The following ERC2 variants were observed in gnomAD, a reference collection of about 807,000 sequenced individuals.
ERC2 encodes the protein ELKS/RAB6-interacting/CAST family member 2.
Under a neutral mutation model 114.8 loss-of-function variants are expected in ERC2, and 42 were observed. That is an observed-to-expected ratio of 0.37 (90% CI 0.29 to 0.47). The LOEUF (loss-of-function observed/expected upper bound fraction) is 0.47, where lower values mean the gene tolerates loss of function less well. ERC2 is among the 20% of genes least tolerant of loss of function. The probability of loss-of-function intolerance (pLI) is 0.99; values close to 1 mark genes in which losing one functional copy is unlikely to be tolerated. For missense variants in ERC2, 939 were observed against 1,150.7 expected (o/e 0.82, Z 2.66); for synonymous variants, 454 against 425.5 (o/e 1.07, Z -0.82).
intron 13 of ERC2, among the ~76,000 whole-genome samples, chr3:55,894,991 T>G (rs1054486848): frequency 1.7e-4 from 26 of 152,194 alleles, no homozygotes; most frequent in African/African-American, 6.3e-4. Flanking sequence ...ACCCCTGGAC[T>G]GCCCTACATT....
chr3:56,332,168 A>AC (rs2057653492), intron 2 of ERC2, among the ~76,000 whole-genome samples: 2 of 144,904 alleles, frequency 1.4e-5, no homozygotes, highest in Middle Eastern at 3.6e-3. Flanking sequence ...ACACACACAC[A>AC]AGAGATTTCA....
At chr3:55,520,132 C>A (rs902545125) in intron 17 of ERC2, among the ~76,000 whole-genome samples, 1 of 151,732 alleles carries the variant, frequency 6.6e-6, no homozygotes, top group Admixed American at 6.6e-5. Context: ...TTTACCGTAC[C>A]CTTCACAAAT....
rs755678573 is a variant in ERC2, at chr3:56,085,354, A to C, written c.1474-4370T>G. Among the ~76,000 whole-genome samples the C allele has an allele frequency of 2.1e-4, 32 of 152,276 alleles. 1 individual carries two copies. The highest frequency in any genetic ancestry group is 8.3e-4 in the South Asian group (4 of 4,830). Reference sequence around the variant, plus strand: ...GGAAGGGTTGGTCACAGATGTGTGGAGCCCCCAAGCCCTAATGGCCCTGAC... The same window carrying C: ...GGAAGGGTTGGTCACAGATGTGTGGCGCCCCCAAGCCCTAATGGCCCTGAC... On this transcript the variant is annotated intron_variant, in intron 6 of 17. Coordinates refer to ENST00000288221, the MANE Select transcript of ERC2 (RefSeq NM_015576.3).
intron 14 of ERC2, among the ~76,000 whole-genome samples, chr3:55,797,151 T>C (rs999316273): frequency 1.3e-5 from 2 of 152,232 alleles, no homozygotes; most frequent in Non-Finnish European, 2.9e-5. Flanking sequence ...TGTGTCTGAC[T>C]AGATGCTAGG....
chr3:56,081,405 A>G lies in ERC2; in HGVS notation c.1474-421T>C, dbSNP rs377033428. Among the ~76,000 whole-genome samples the G allele has an allele frequency of 1.5e-4, 23 of 152,286 alleles. No individual in the cohort carries two copies. The East Asian group carries it at 2.7e-3, about 18-fold the overall frequency. On this transcript the variant is annotated intron_variant, in intron 6 of 17. Transcript: ENST00000288221. ...GAGAACACAATGAGCCATGCCATGG[A>G]CATCCAGAGGAACAAGATTGACATG... is the stretch of plus-strand genomic sequence containing the variant.
chr3:55,532,432 T>C (rs756974622), intron 17 of ERC2, among the ~76,000 whole-genome samples: 2 of 152,216 alleles, frequency 1.3e-5, no homozygotes, highest in Non-Finnish European at 2.9e-5. Context: ...GTGAGATTCA[T>C]CCCTGCCCTC....
chr3:55,802,261 G>C (rs1461855570), intron 14 of ERC2, among the ~76,000 whole-genome samples: 2 of 152,142 alleles, frequency 1.3e-5, no homozygotes, highest in African/African-American at 2.4e-5. Context: ...CCCAACAAAT[G>C]CTTTTTGTCT....
At chr3:55,638,737 T>C (rs945047240) in intron 17 of ERC2, among the ~76,000 whole-genome samples, 1 of 152,238 alleles carries the variant, frequency 6.6e-6, no homozygotes, top group African/African-American at 2.4e-5. Flanking sequence ...AGGTTTTAAA[T>C]TGACTTCCTT....
chr3:56,122,762 C>T (rs572025366), intron 6 of ERC2, among the ~76,000 whole-genome samples: 1 of 152,060 alleles, frequency 6.6e-6, no homozygotes, highest in East Asian at 1.9e-4. Context: ...GAAAAATGCC[C>T]GAATGCCCGT....
chr3:56,255,527 C>T (rs561336617), intron 3 of ERC2, among the ~76,000 whole-genome samples: 120 of 152,274 alleles, frequency 7.9e-4, no homozygotes, highest in African/African-American at 2.8e-3. Flanking sequence ...CCTGGGCTGC[C>T]CTGGGAGGCA....
intron 6 of ERC2, among the ~76,000 whole-genome samples, chr3:56,094,924 A>T (rs1180745321): frequency 6.6e-6 from 1 of 152,248 alleles, no homozygotes; most frequent in African/African-American, 2.4e-5. Flanking sequence ...TTCCTAATAA[A>T]GAGTTAGATG....
intron 17 of ERC2, among the ~76,000 whole-genome samples, chr3:55,553,091 G>A (rs1052566202): frequency 3.1e-5 from 4 of 127,764 alleles, no homozygotes; most frequent in Admixed American, 1.0e-4. Flanking sequence ...GTGCAATCTC[G>A]GCTCACTGCA....
chr3:56,252,838 C>G (rs1576097393), intron 3 of ERC2, among the ~76,000 whole-genome samples: 1 of 149,856 alleles, frequency 6.7e-6, no homozygotes, highest in South Asian at 2.1e-4. Flanking sequence ...ATTGGAATTA[C>G]AAAAGCAGCT....
intron 3 of ERC2, among the ~76,000 whole-genome samples, chr3:56,263,360 TAA>T (rs200286564): frequency 2.2e-5 from 3 of 135,086 alleles, no homozygotes; most frequent in African/African-American, 2.8e-5. Flanking sequence ...ACAGTGAAAT[TAA>T]AAAAAAAAAA....
rs750606550 is a variant in ERC2, at chr3:55,556,803, A to C, written c.*40-45527T>G. Among the ~76,000 whole-genome samples, 41 of 152,294 alleles carry C rather than the reference A, an allele frequency of 2.7e-4. 1 individual carries two copies. Among genetic ancestry groups the C allele is most frequent in the Admixed American group, 1.7e-3 (26 of 15,306 alleles). On this transcript the variant is annotated intron_variant, in intron 17 of 17. Coordinates refer to ENST00000288221, the MANE Select transcript of ERC2 (RefSeq NM_015576.3). ...AATCTTCTAATTCCACAAGCCAATA[A>C]ATCTTCTCATTTGCTTAAGTGATTT... is the stretch of plus-strand genomic sequence containing the variant.
Position 55,550,951 on chromosome 3 carries a change from T to G in ERC2, c.*40-39675A>C, listed in dbSNP as rs149417884. Among the ~76,000 whole-genome samples, 810 of 148,424 alleles carry G rather than the reference T, an allele frequency of 5.5e-3. 2 individuals carry two copies. The highest frequency in any genetic ancestry group is 0.017 in the African/African-American group (697 of 40,108). ...GAATGGCGTGAACCTGGGAGGCAGA[T>G]CTTGTAGTGAGCTGAGATCGCGCCA... On this transcript the variant is annotated intron_variant, in intron 17 of 17. Transcript: ENST00000288221.
intron 13 of ERC2, among the ~76,000 whole-genome samples, chr3:55,893,635 T>C (rs372103132): frequency 2.7e-4 from 41 of 152,246 alleles, no homozygotes; most frequent in African/African-American, 9.9e-4. Context: ...GCCCTGACCT[T>C]TTCTCAGTCA....
In ERC2 at chr3:56,343,504, G is replaced by A. The variant is rs116159301; in HGVS notation, c.658-47069C>T. 6.4e-3 allele frequency among the ~76,000 whole-genome samples: 968 copies of A among 152,018 alleles called. 14 individuals are homozygous for A. Among genetic ancestry groups the A allele is most frequent in the African/African-American group, 0.022 (932 of 41,440 alleles). On this transcript the variant is annotated intron_variant, in intron 2 of 17. Coordinates refer to ENST00000288221, the MANE Select transcript of ERC2 (RefSeq NM_015576.3). Reference sequence around the variant, plus strand: ...GTGGTGCCATAGATCTGTAATTCCAGCTACTCAGAAGGCTGAAGCAGGAGG... The same window carrying A: ...GTGGTGCCATAGATCTGTAATTCCAACTACTCAGAAGGCTGAAGCAGGAGG...
chr3:56,381,848 A>G (rs1248866831), intron 2 of ERC2, among the ~76,000 whole-genome samples: 1 of 152,130 alleles, frequency 6.6e-6, no homozygotes, highest in African/African-American at 2.4e-5. Flanking sequence ...ATATCCCAGA[A>G]TCTGAAATTC....
Sources: allele counts gnomAD v4.1 joint callset (sites outside exome capture counted in the v4.1 genomes callset), GRCh38; gene constraint gnomAD v4.1.1; transcripts MANE v1.5; gene names NCBI Gene and HGNC (gene_info 2026-07-23, HGNC 2026-07-21).